Variants in HIVEP3 observed in about 807,000 individuals in gnomAD.
The protein encoded by HIVEP3 is transcription factor HIVEP3.
In HIVEP3, 49 loss-of-function variants were observed where a neutral mutation model predicts 152.8. The observed-to-expected ratio is 0.32, with a 90% confidence interval of 0.26 to 0.41. HIVEP3 has a LOEUF of 0.41. HIVEP3 is among the 10% of genes least tolerant of loss of function. The pLI is 1.00. For synonymous variants in HIVEP3, 1,269 were observed against 1,289.0 expected, an observed-to-expected ratio of 0.98 and a Z score of 0.33; for missense variants, 2,790 against 3,103.3, an observed-to-expected ratio of 0.90 and a Z score of 2.40.
At chr1:41,725,657 G>C (rs1271939808) in intron 1 of HIVEP3, among the ~76,000 whole-genome samples, 1 of 152,220 alleles carries the variant, frequency 6.6e-6, no homozygotes, top group East Asian at 1.9e-4. Flanking sequence ...AGAGGCAAGG[G>C]CCAACAGTCC....
rs368992486 is a variant in HIVEP3, at chr1:41,646,007, A to T, written c.-720-17060T>A. ...CACCTTGCTCACCTCACCCATCATG[A>T]CCTGACCCTGGTTTTCTACATTTTC... On this transcript the variant is annotated intron_variant, in intron 2 of 8. Transcript: ENST00000372583. 7.2e-5 allele frequency among the ~76,000 whole-genome samples: 11 copies of T among 152,182 alleles called. No individual in the cohort carries two copies. The East Asian group carries it at 1.9e-3, about 27-fold the overall frequency.
At chr1:41,568,908 T>G (rs1438537315) in intron 5 of HIVEP3, among the ~76,000 whole-genome samples, 1 of 152,220 alleles carries the variant, frequency 6.6e-6, no homozygotes, top group East Asian at 1.9e-4. Context: ...GGGAGGTGAC[T>G]GGATCATGGG....
At chr1:41,676,409 T>C (rs1033687246) in intron 2 of HIVEP3, among the ~76,000 whole-genome samples, 6 of 152,098 alleles carry the variant, frequency 3.9e-5, no homozygotes, top group Non-Finnish European at 7.4e-5. Flanking sequence ...CGGGGACAGT[T>C]TCCTCCCCAT....
chr1:42,032,602 C>G (rs1356469187), intron 1 of HIVEP3, among the ~76,000 whole-genome samples: 1 of 152,128 alleles, frequency 6.6e-6, no homozygotes, highest in Non-Finnish European at 1.5e-5. Flanking sequence ...ACTGGATTTC[C>G]CAGCTCCAAT....
chr1:41,611,021 G>A (rs1484770631), intron 3 of HIVEP3, among the ~76,000 whole-genome samples: 1 of 150,880 alleles, frequency 6.6e-6, no homozygotes, highest in Non-Finnish European at 1.5e-5. Flanking sequence ...CATTCAACCA[G>A]GTGAACTCTG....
chr1:41,819,446 T>G (rs922549161), intron 1 of HIVEP3, among the ~76,000 whole-genome samples: 2 of 152,202 alleles, frequency 1.3e-5, no homozygotes, highest in African/African-American at 4.8e-5. Flanking sequence ...CTACTTTCTT[T>G]GAATTTACTC....
chr1:41,804,097 A>G (rs1650462178), intron 1 of HIVEP3, among the ~76,000 whole-genome samples: 1 of 152,226 alleles, frequency 6.6e-6, no homozygotes, highest in Admixed American at 6.5e-5. Flanking sequence ...ATGATCTCAA[A>G]TCTTTATTTG....
chr1:41,875,368 C>T lies in HIVEP3; in HGVS notation c.-801+43045G>A, dbSNP rs137864052. On this transcript the variant is annotated intron_variant, in intron 1 of 8. Coordinates refer to ENST00000372583, the MANE Select transcript of HIVEP3 (RefSeq NM_024503.5). The stretch of plus-strand genomic sequence containing the variant: ...TCCCCATCCATCCTGCTCCTGGCCA[C>T]GGCCTCTGGCCTGAAGGGCTGCAAA... 2.6e-3 allele frequency among the ~76,000 whole-genome samples: 389 copies of T among 152,368 alleles called. 2 individuals carry two copies. Among genetic ancestry groups the T allele is most frequent in the African/African-American group, 8.8e-3 (364 of 41,590 alleles).
Position 41,583,202 on chromosome 1 carries a change from G to C in HIVEP3, c.1596C>G (p.Ala532=), listed in dbSNP as rs201377701. Residue 532 remains alanine, a synonymous_variant, in exon 4 of 9, where the codon GCC becomes GCG. Coordinates refer to ENST00000372583, the MANE Select transcript of HIVEP3 (RefSeq NM_024503.5). This position sits in a 1 kb window ranked among gnomAD's most constrained non-coding sequence, Gnocchi z 6.9. ...LLSLQHPPST[A]PPVPLLRSHS... Reference sequence around the variant, plus strand: ...GGCTTCTCAGGAGAGGCACAGGGGGGGCGGTACTGGGCGGGTGCTGGAGGC... The same window carrying C: ...GGCTTCTCAGGAGAGGCACAGGGGGCGCGGTACTGGGCGGGTGCTGGAGGC... 1.2e-5 allele frequency: 20 copies of C among 1,610,724 alleles called. No individual in the cohort carries two copies. Among genetic ancestry groups the C allele is most frequent in the Middle Eastern group, 1.7e-4 (1 of 6,052 alleles).
intron 1 of HIVEP3, among the ~76,000 whole-genome samples, chr1:41,749,617 G>A (rs1045384295): frequency 5.3e-5 from 8 of 152,284 alleles, no homozygotes; most frequent in East Asian, 1.9e-4. Context: ...GCTCTCTGGC[G>A]CGAAATCCTC....
intron 3 of HIVEP3, among the ~76,000 whole-genome samples, chr1:41,611,406 G>A (rs1644894745): frequency 6.6e-6 from 1 of 152,156 alleles, no homozygotes; most frequent in Non-Finnish European, 1.5e-5. Flanking sequence ...ATGCTGATGG[G>A]GACAGAGCGC....
chr1:41,966,475 CTTTT>C (rs58470482), intron 1 of HIVEP3, among the ~76,000 whole-genome samples: 2 of 95,804 alleles, frequency 2.1e-5, no homozygotes, highest in Non-Finnish European at 1.9e-5. Flanking sequence ...GTGCTGTATT[CTTTT>C]TTTTTTTTTT....
chr1:41,850,490 C>T (rs1366671023), intron 1 of HIVEP3, among the ~76,000 whole-genome samples: 7 of 152,142 alleles, frequency 4.6e-5, no homozygotes, highest in Non-Finnish European at 8.8e-5. Context: ...ATCAATAGAA[C>T]CCAAACCAGG....
intron 1 of HIVEP3, among the ~76,000 whole-genome samples, chr1:41,790,734 C>T (rs1649641784): frequency 6.6e-6 from 1 of 152,150 alleles, no homozygotes; most frequent in African/African-American, 2.4e-5. Context: ...AACCTTCAGC[C>T]ACTCCCTGTT....
intron 1 of HIVEP3, among the ~76,000 whole-genome samples, chr1:42,019,313 T>C (rs1645540832): frequency 1.3e-5 from 2 of 152,028 alleles, no homozygotes; most frequent in South Asian, 4.1e-4. Context: ...TTGTATAATA[T>C]ACAAATTAAT....
Position 41,524,854 on chromosome 1 carries a change from A to G in HIVEP3, c.5264T>C (p.Val1755Ala), listed in dbSNP as rs1439393446. ...YVRGRGRGKY[V>A]CEECGIRCKK... ...GCAGCGAATTCCACACTCCTCACAAACATATTTCCCTCGGCCGCGGCCTCG... is the reference window on the plus strand; with the variant it reads ...GCAGCGAATTCCACACTCCTCACAAGCATATTTCCCTCGGCCGCGGCCTCG... Residue 1755 changes from valine (V) to alanine (A), a missense_variant, in exon 6 of 9, where the codon GTT (valine) becomes GCT (alanine). By Grantham distance (64) the Val-to-Ala change is moderately conservative. This residue lies in a region of HIVEP3 where 57 missense variants were observed against 95.1 expected (regional missense o/e 0.60). Coordinates refer to ENST00000372583, the MANE Select transcript of HIVEP3 (RefSeq NM_024503.5). 8.1e-6 allele frequency: 13 copies of G among 1,614,164 alleles called. No individual in the cohort carries two copies. The highest frequency in any genetic ancestry group is 1.1e-5 in the Non-Finnish European group (13 of 1,179,998).
chr1:41,678,150 G>A (rs1427394184), intron 2 of HIVEP3, among the ~76,000 whole-genome samples: 1 of 152,196 alleles, frequency 6.6e-6, no homozygotes, highest in Non-Finnish European at 1.5e-5. Flanking sequence ...TTTGCAAGGC[G>A]ATTCTCCTCT....
At chr1:41,728,023 T>A (rs1019375539) in intron 1 of HIVEP3, among the ~76,000 whole-genome samples, 1 of 152,104 alleles carries the variant, frequency 6.6e-6, no homozygotes, top group Non-Finnish European at 1.5e-5. Context: ...AGGGAGAGTA[T>A]CCACCATCTT....
intron 1 of HIVEP3, among the ~76,000 whole-genome samples, chr1:41,854,293 A>G (rs1411502099): frequency 6.6e-6 from 1 of 152,150 alleles, no homozygotes; most frequent in African/African-American, 2.4e-5. Flanking sequence ...TAAGGGGCTG[A>G]CTGCAGAGCC....
Sources: gnomAD v4.1 joint callset for allele counts (sites outside exome capture counted in the v4.1 genomes callset) on GRCh38, gnomAD v4.1.1 for gene constraint, gnomAD v4.1.1 regional missense constraint, Gnocchi (gnomAD v3.1) non-coding constraint, MANE v1.5 for transcripts, NCBI Gene and HGNC (gene_info 2026-07-23, HGNC 2026-07-21) for gene names.